RIPOR2: variants seen among roughly 807,000 people sequenced by gnomAD.
The protein encoded by RIPOR2 is rho family-interacting cell polarization regulator 2.
A neutral mutation model predicts 114.5 loss-of-function variants in RIPOR2; 39 were observed. The observed-to-expected ratio is 0.34, with a 90% CI of 0.26 to 0.44. The LOEUF is 0.44. RIPOR2 is among the 20% of genes least tolerant of loss of function. The pLI is 1.00. For missense variants in RIPOR2, 1,007 were observed against 1,255.1 expected (o/e 0.80, Z 2.99); for synonymous variants, 445 against 484.4 (o/e 0.92, Z 1.07).
intron 1 of RIPOR2, among the ~76,000 whole-genome samples, chr6:25,025,271 C>G (rs1403720771): frequency 6.6e-6 from 1 of 152,026 alleles, no homozygotes; most frequent in African/African-American, 2.4e-5. Context: ...AATTTAGAAG[C>G]TTCTATTTAT....
At chr6:24,873,889 T>G in intron 2 of RIPOR2, 90 bp from the exon 3 acceptor site, 1 of 1,151,336 alleles carries the variant, frequency 8.7e-7, no homozygotes, top group Non-Finnish European at 1.2e-6. Flanking sequence ...CTTGTTTGTT[T>G]TAGAGACAAA....
chr6:24,976,756 G>T, intron 1 of RIPOR2: 1 of 1,611,434 alleles, frequency 6.2e-7, no homozygotes, highest in Non-Finnish European at 8.5e-7. Flanking sequence ...TCATCCTAAA[G>T]CATACAGGTC....
intron 1 of RIPOR2, among the ~76,000 whole-genome samples, chr6:24,914,932 G>A (rs1028988121): frequency 1.3e-5 from 2 of 152,096 alleles, no homozygotes; most frequent in Admixed American, 6.5e-5. Flanking sequence ...TGTACCTACC[G>A]ACCCTTATCT....
chr6:24,976,223 A>G (rs1464594032), intron 1 of RIPOR2, among the ~76,000 whole-genome samples: 3 of 152,244 alleles, frequency 2.0e-5, no homozygotes, highest in Non-Finnish European at 4.4e-5. Flanking sequence ...TATAATGACA[A>G]AAATTGCCGA....
intron 18 of RIPOR2, among the ~76,000 whole-genome samples, chr6:24,826,170 A>AC (rs1323494265): frequency 6.6e-6 from 1 of 151,376 alleles, no homozygotes; most frequent in Non-Finnish European, 1.5e-5. Context: ...CAAGTGATCC[A>AC]CCCGCCTTGG....
chr6:24,891,757 C>T (rs13214001), intron 1 of RIPOR2, among the ~76,000 whole-genome samples: 17,926 of 142,254 alleles, frequency 0.13, 1,183 homozygotes, highest in South Asian at 0.16. Context: ...TGTAATCACA[C>T]CAAGCTCTCA....
chr6:24,805,705 G>A lies in RIPOR2; in HGVS notation c.*668C>T, dbSNP rs763897481. On this transcript the variant is annotated 3_prime_UTR_variant, in exon 22 of 22. Transcript: ENST00000643898. ...AACTGCAAGGCATATGATGTTTGTC[G>A]AAGTATCACATGACTATTTCAAGCT... 5 of 151,942 alleles carry A rather than the reference G, an allele frequency of 3.3e-5. No individual in the cohort carries two copies. Among genetic ancestry groups the A allele is most frequent in the Admixed American group, 6.6e-5 (1 of 15,234 alleles). 9.4% of individuals were successfully genotyped at this position (151,942 alleles called of 1,614,324 possible).
chr6:24,946,183 A>C (rs1772397197), intron 1 of RIPOR2, among the ~76,000 whole-genome samples: 1 of 151,886 alleles, frequency 6.6e-6, no homozygotes, highest in Non-Finnish European at 1.5e-5. Context: ...CCTGGGTTCA[A>C]GCAATTCTCT....
intron 1 of RIPOR2, among the ~76,000 whole-genome samples, chr6:24,967,153 C>T (rs1033154784): frequency 6.6e-6 from 1 of 152,220 alleles, no homozygotes; most frequent in Non-Finnish European, 1.5e-5. Flanking sequence ...TTGAAGAAAG[C>T]TAACAGAGCC....
chr6:24,836,285 A>C (rs753707228), intron 14 of RIPOR2, among the ~76,000 whole-genome samples: 1 of 152,328 alleles, frequency 6.6e-6, no homozygotes, highest in Middle Eastern at 3.4e-3. Context: ...ATAATCTGCC[A>C]AGGTTTTTTC....
chr6:24,906,664 T>A (rs1769026523), intron 1 of RIPOR2, among the ~76,000 whole-genome samples: 1 of 152,094 alleles, frequency 6.6e-6, no homozygotes, highest in Admixed American at 6.5e-5. Flanking sequence ...TTCTTAAGGG[T>A]CTCACTCTGT....
At chr6:24,910,203 C>T (rs1769410292) in intron 1 of RIPOR2, among the ~76,000 whole-genome samples, 1 of 152,156 alleles carries the variant, frequency 6.6e-6, no homozygotes, top group African/African-American at 2.4e-5. Context: ...CACAGATCGG[C>T]ATCAAAGCAA....
At chr6:24,951,690 G>T (rs549198472) in intron 1 of RIPOR2, among the ~76,000 whole-genome samples, 1 of 152,346 alleles carries the variant, frequency 6.6e-6, no homozygotes, top group South Asian at 2.1e-4. Context: ...CAAAGGAAAT[G>T]TCATGGTTGG....
At chr6:25,034,432 T>C (rs1190016448) in intron 1 of RIPOR2, among the ~76,000 whole-genome samples, 1 of 152,144 alleles carries the variant, frequency 6.6e-6, no homozygotes, top group Non-Finnish European at 1.5e-5. Flanking sequence ...ACATAGTGGG[T>C]TGAATCTAGG....
At chr6:25,014,381 T>G (rs1775886246) in intron 1 of RIPOR2, among the ~76,000 whole-genome samples, 1 of 152,202 alleles carries the variant, frequency 6.6e-6, no homozygotes, top group African/African-American at 2.4e-5. Context: ...CTCTCACTTT[T>G]TGAGAGACAC....
chr6:24,907,866 T>A (rs1192563468), intron 1 of RIPOR2, among the ~76,000 whole-genome samples: 1 of 152,202 alleles, frequency 6.6e-6, no homozygotes, highest in Non-Finnish European at 1.5e-5. Context: ...AATAATCACA[T>A]TGCAGGGTGT....
At chr6:24,976,393 C>T in intron 1 of RIPOR2, 1 of 1,431,238 alleles carries the variant, frequency 7.0e-7, no homozygotes, top group East Asian at 2.3e-5. Flanking sequence ...GACGCCGCCG[C>T]CGAGGAAAAC....
In RIPOR2 at chr6:25,037,001, G is replaced by A. The variant is rs1777283746; in HGVS notation, c.76+4850C>T. 6.6e-6 allele frequency among the ~76,000 whole-genome samples: 1 copy of A among 152,116 alleles called. No individual in the cohort carries two copies. Among genetic ancestry groups the A allele is most frequent in the African/African-American group, 2.4e-5 (1 of 41,414 alleles). On this transcript the variant is annotated intron_variant, in intron 1 of 13. Transcript: ENST00000510784. The surrounding 1 kb of genome is among the most constrained non-coding windows in gnomAD (Gnocchi z 4.5). The stretch of plus-strand genomic sequence containing the variant: ...TGGGAAAAAATGTGGAGGTGGCAAT[G>A]GTAAGCCCTTCATACTGCCTCAAAT...
At position 24,842,969 on chromosome 6, in the gene RIPOR2, C is replaced by G; in HGVS notation, c.1750G>C (p.Glu584Gln). 6.5e-7 allele frequency: 1 copy of G among 1,548,314 alleles called. No individual in the cohort carries two copies. The highest frequency in any genetic ancestry group is 1.2e-5 in the South Asian group (1 of 80,198). The change falls in exon 13 of 22, where the codon GAG becomes CAG. Residue 584 changes from glutamate (E) to glutamine (Q), a missense_variant. Transcript: ENST00000643898. ...AGTAAAAGCCCATTAAAAGCATCCT[C>G]TAAGCTTCCATCTAGAAAGGATCTG... Reference protein sequence around the residue: ...GCRSFLDGSLEDAFNGLLLAL... With the variant: ...GCRSFLDGSLQDAFNGLLLAL...
Sources: allele counts gnomAD v4.1 joint callset (sites outside exome capture counted in the v4.1 genomes callset), GRCh38; gene constraint gnomAD v4.1.1; non-coding constraint Gnocchi (gnomAD v3.1); transcripts MANE v1.5; gene names NCBI Gene and HGNC (gene_info 2026-07-23, HGNC 2026-07-21).